KIAA2013: variants seen among roughly 807,000 people sequenced by gnomAD.
KIAA2013 encodes the protein KIAA2013.
In KIAA2013, 20 loss-of-function variants were observed where a neutral mutation model predicts 39.9. The observed-to-expected ratio is 0.50, with a 90% confidence interval of 0.35 to 0.73. KIAA2013 has a LOEUF of 0.73. Among genes scored for constraint, KIAA2013 ranks in the 30% least tolerant of loss-of-function variants. The pLI is 0.01. For synonymous variants in KIAA2013, 336 were observed against 416.6 expected (o/e 0.81, Z 2.35); for missense variants, 587 against 856.1 (o/e 0.69, Z 3.92).
chr1:11,920,855 T>G (rs6662151), intron 2 of KIAA2013, among the ~76,000 whole-genome samples: 14,582 of 152,246 alleles, frequency 0.096, 757 homozygotes, highest in Non-Finnish European at 0.12. Context: ...TTCTGCTTCC[T>G]TTTCCAAGTC....
In KIAA2013 at chr1:11,926,158, C is replaced by A; in HGVS notation, c.80G>T (p.Gly27Val). The stretch of plus-strand genomic sequence containing the variant: ...AAACCACAGAAGCAGCAGCAGGAGG[C>A]CAAGCAGGCAGAGGAGGCGGCGGGC... ...SWARRLLCLL[G>V]LLLLLLWFGG... Residue 27 changes from glycine to valine, a missense_variant, in exon 1 of 3, where the codon GGC becomes GTC. Coordinates refer to ENST00000376572, the MANE Select transcript of KIAA2013 (RefSeq NM_138346.3). The A allele has an allele frequency of 1.4e-6, 2 of 1,402,004 alleles. No homozygotes were observed. The highest frequency in any genetic ancestry group is 1.9e-6 in the Non-Finnish European group (2 of 1,071,562). The allele number at this position is 1,402,004 out of a possible 1,614,324, so 86.8% of individuals were successfully genotyped here.
chr1:11,923,367 C>A lies in KIAA2013; in HGVS notation c.1156G>T (p.Glu386Ter), dbSNP rs923145979. Residue 386 changes from glutamate to a stop codon, truncating the protein, a stop_gained, in exon 2 of 3, where the codon GAG (glutamate) becomes TAG (stop). Transcript: ENST00000376572. LOFTEE classifies it high-confidence loss of function. This position sits in a 1 kb window ranked among gnomAD's most constrained non-coding sequence, Gnocchi z 4.6. The part of the protein sequence containing the change: ...PLLSPSLSHR[E>*]RDQMESTLNY... ...AGCGTCGACTCCATCTGGTCTCGCT[C>A]CCTGTGGCTCAGGGAGGGGCTGAGC... The A allele has an allele frequency of 6.8e-6, 11 of 1,613,242 alleles. No individual in the cohort carries two copies. Among genetic ancestry groups the A allele is most frequent in the Non-Finnish European group, 9.3e-6 (11 of 1,180,034 alleles).
rs983266222 is a variant in KIAA2013 at position 11,923,580 on chromosome 1, G to C, written c.1034-91C>G. On this transcript the variant is annotated intron_variant, in intron 1 of 2. Transcript: ENST00000376572. The surrounding 1 kb of genome is among the most constrained non-coding windows in gnomAD (Gnocchi z 4.6). ...AAGACCAAGGGCAGCAGAAGAGTGAGGTGTTGTGCCTTAATGATAAAGACA... is the reference window on the plus strand; with the variant it reads ...AAGACCAAGGGCAGCAGAAGAGTGACGTGTTGTGCCTTAATGATAAAGACA... The C allele has an allele frequency of 6.0e-6, 8 of 1,329,366 alleles. No homozygotes were observed. The Admixed American group carries it at 9.4e-5, about 16-fold the overall frequency. 82.3% of individuals were successfully genotyped at this position (1,329,366 alleles called of 1,614,324 possible).
At position 11,923,118 on chromosome 1, in the gene KIAA2013, G is replaced by A. The variant is rs1645485032; in HGVS notation, c.1405C>T (p.Gln469Ter). ...AGCACGTCGGGGTCGGCCTGGAACT[G>A]GAGGTGGTTCTCTGTGAACTGCAGC... Reference protein sequence around the residue: ...GGLQFTENHLQFQADPDVLHN... With the variant: ...GGLQFTENHL The change falls in exon 2 of 3, where the codon CAG becomes TAG. Residue 469 changes from glutamine to a stop codon, truncating the protein, a stop_gained. Transcript: ENST00000376572. LOFTEE classifies it high-confidence loss of function. The surrounding 1 kb of genome is among the most constrained non-coding windows in gnomAD (Gnocchi z 4.6). The A allele has an allele frequency of 6.2e-7, 1 of 1,609,820 alleles. No individual in the cohort carries two copies.
chr1:11,922,772 G>A lies in KIAA2013; in HGVS notation c.1751C>T (p.Ala584Val). 3 of 1,613,948 alleles carry A rather than the reference G, an allele frequency of 1.9e-6. No homozygotes were observed. The highest frequency in any genetic ancestry group is 2.5e-6 in the Non-Finnish European group (3 of 1,179,860). ...GAAGGGCAGCCCGGGGTCCTGCTGG[G>A]CCATGTGCTCATCATGGGCCAGGAT... ...KAILAHDEHM[A>V]QQDPGLPFLF... Residue 584 changes from alanine (A) to valine (V), a missense_variant, in exon 2 of 3, where the codon GCC becomes GTC. Transcript: ENST00000376572.
At position 11,925,065 on chromosome 1, in the gene KIAA2013, A is replaced by C. The variant is rs74495232; in HGVS notation, c.1033+140T>G. Reference sequence around the variant, plus strand: ...GGCGACGAATCCAAAGGTCGCACAGACACTAAGCAGTTGAGCAGATTCAAC... The same window carrying C: ...GGCGACGAATCCAAAGGTCGCACAGCCACTAAGCAGTTGAGCAGATTCAAC... On this transcript the variant is annotated intron_variant, in intron 1 of 2. Transcript: ENST00000376572. The surrounding 1 kb of genome is among the most constrained non-coding windows in gnomAD (Gnocchi z 5.2). 1.4e-6 allele frequency: 1 copy of C among 727,188 alleles called. No homozygotes were observed. The highest frequency in any genetic ancestry group is 2.2e-6 in the Non-Finnish European group (1 of 446,920). The allele number at this position is 727,188 out of a possible 1,614,324, so 45.0% of individuals were successfully genotyped here. A position where few individuals can be genotyped will look rare whatever the true frequency, so the allele number is the denominator to read the frequency against.
At position 11,920,414 on chromosome 1, in the gene KIAA2013, C is replaced by T; in HGVS notation, c.1888-82G>A. 5 of 1,412,490 alleles carry T rather than the reference C, an allele frequency of 3.5e-6. No homozygotes were observed. The South Asian group carries it at 4.6e-5, about 13-fold the overall frequency. The allele number at this position is 1,412,490 out of a possible 1,614,324, so 87.5% of individuals were successfully genotyped here. The stretch of plus-strand genomic sequence containing the variant: ...CTATAGAAATAGGCTACGGAGACAA[C>T]CCTAGTGGCACCACACCCTGGCTCT... On this transcript the variant is annotated intron_variant, in intron 2 of 2. Coordinates refer to ENST00000376572, the MANE Select transcript of KIAA2013 (RefSeq NM_138346.3).
chr1:11,920,151 C>T lies in KIAA2013; in HGVS notation c.*164G>A, dbSNP rs1247076185. ...CTCCCCACGTGACACTCATTCCTTC[C>T]AATGCAAACTCTGGTGTATCCACAC... On this transcript the variant is annotated 3_prime_UTR_variant, in exon 3 of 3. Coordinates refer to ENST00000376572, the MANE Select transcript of KIAA2013 (RefSeq NM_138346.3). 3 of 759,636 alleles carry T rather than the reference C, an allele frequency of 3.9e-6. No individual in the cohort carries two copies. Among genetic ancestry groups the T allele is most frequent in the Non-Finnish European group, 7.0e-6 (3 of 425,604 alleles). 47.1% of individuals were successfully genotyped at this position (759,636 alleles called of 1,614,324 possible). A position where few individuals can be genotyped will look rare whatever the true frequency, so the allele number is the denominator to read the frequency against.
In KIAA2013 at chr1:11,920,154, T is replaced by A; in HGVS notation, c.*161A>T. On this transcript the variant is annotated 3_prime_UTR_variant, in exon 3 of 3. Transcript: ENST00000376572. ...CCCACGTGACACTCATTCCTTCCAA[T>A]GCAAACTCTGGTGTATCCACACTCA... 1.3e-6 allele frequency: 1 copy of A among 772,870 alleles called. No individual in the cohort carries two copies. The highest frequency in any genetic ancestry group is 2.3e-6 in the Non-Finnish European group (1 of 435,814). The allele number at this position is 772,870 out of a possible 1,614,324, so 47.9% of individuals were successfully genotyped here.
intron 2 of KIAA2013, chr1:11,922,388 C>T (rs1010982818): frequency 3.5e-6 from 5 of 1,436,476 alleles, no homozygotes; most frequent in Admixed American, 2.9e-5. Flanking sequence ...ATTTATGATG[C>T]GGGAGGAGGG....
rs139827041 is a variant in KIAA2013 at position 11,923,379 on chromosome 1, G to C, written c.1144C>G (p.Leu382Val). ...CSPAPLLSPSLSHRERDQMES... is the reference protein window; with the variant it reads ...CSPAPLLSPSVSHRERDQMES... The stretch of plus-strand genomic sequence containing the variant: ...ATCTGGTCTCGCTCCCTGTGGCTCA[G>C]GGAGGGGCTGAGCAGTGGGGCTGGC... The change falls in exon 2 of 3, where the codon CTG becomes GTG. Residue 382 changes from leucine to valine, a missense_variant. Coordinates refer to ENST00000376572, the MANE Select transcript of KIAA2013 (RefSeq NM_138346.3). This position sits in a 1 kb window ranked among gnomAD's most constrained non-coding sequence, Gnocchi z 4.6. 1.4e-4 allele frequency: 228 copies of C among 1,613,226 alleles called. No homozygotes were observed. The highest frequency in any genetic ancestry group is 7.3e-4 in the Admixed American group (44 of 60,034).
intron 2 of KIAA2013, 30 bp downstream of exon 2, chr1:11,922,606 T>A (rs751153367): frequency 3.1e-6 from 5 of 1,609,226 alleles, no homozygotes; most frequent in Non-Finnish European, 4.2e-6. Context: ...GGCCAAGGCC[T>A]CGGGTTTCGA....
At chr1:11,922,187 T>G in intron 2 of KIAA2013, 1 of 256,684 alleles carries the variant, frequency 3.9e-6, no homozygotes, top group Non-Finnish European at 6.8e-6. Context: ...TTTTATTTGC[T>G]TTTTTGTTTT....
rs1280193431 is a variant in KIAA2013 at position 11,923,750 on chromosome 1, A to G, written c.1034-261T>C. On this transcript the variant is annotated intron_variant, in intron 1 of 2. Coordinates refer to ENST00000376572, the MANE Select transcript of KIAA2013 (RefSeq NM_138346.3). The surrounding 1 kb of genome is among the most constrained non-coding windows in gnomAD (Gnocchi z 4.6). The stretch of plus-strand genomic sequence containing the variant: ...AGCCCAGAGGAACACAGACTTAGCC[A>G]GGACTTGGCACCAACCCTATGGTCA... 6.6e-6 allele frequency among the ~76,000 whole-genome samples: 1 copy of G among 152,210 alleles called. No homozygotes were observed. The highest frequency in any genetic ancestry group is 1.5e-5 in the Non-Finnish European group (1 of 68,034).
chr1:11,925,227 G>A lies in KIAA2013; in HGVS notation c.1011C>T (p.Leu337=), dbSNP rs1645498431. Residue 337 remains leucine, a synonymous_variant, in exon 1 of 3, where the codon CTC becomes CTT. Transcript: ENST00000376572. This position sits in a 1 kb window ranked among gnomAD's most constrained non-coding sequence, Gnocchi z 5.2. The part of the protein sequence containing the change: ...AAELLQDHQL[L]WAQLFSPGVE... The stretch of plus-strand genomic sequence containing the variant: ...CACCTGGGCTGAAGAGCTGAGCCCA[G>A]AGGAGCTGGTGGTCTTGAAGCAGCT... 6.3e-7 allele frequency: 1 copy of A among 1,595,318 alleles called. No homozygotes were observed. Among genetic ancestry groups the A allele is most frequent in the Non-Finnish European group, 8.5e-7 (1 of 1,169,994 alleles).
chr1:11,921,546 A>T (rs1040800339), intron 2 of KIAA2013, among the ~76,000 whole-genome samples: 1 of 151,028 alleles, frequency 6.6e-6, no homozygotes, highest in Admixed American at 6.6e-5. Flanking sequence ...ATTATTATTT[A>T]TTATTTATTT....
In KIAA2013 at chr1:11,923,316, C is replaced by T. The variant is rs1184100082; in HGVS notation, c.1207G>A (p.Gly403Arg). ...TLNYEDHCFS[G>R]HATMHAENLW... ...TTCTCGGCGTGCATGGTGGCGTGCC[C>T]GCTGAAGCAGTGATCTTCATAGTTG... Residue 403 changes from glycine to arginine, a missense_variant, in exon 2 of 3, where the codon GGG becomes AGG. By Grantham distance (125) the Gly-to-Arg change is moderately radical. Transcript: ENST00000376572. The surrounding 1 kb of genome is among the most constrained non-coding windows in gnomAD (Gnocchi z 4.6). 2.5e-6 allele frequency: 4 copies of T among 1,613,364 alleles called. No homozygotes were observed. The highest frequency in any genetic ancestry group is 2.7e-5 in the African/African-American group (2 of 74,882).
Position 11,926,332 on chromosome 1 carries a change from G to T in KIAA2013, c.-95C>A. On this transcript the variant is annotated 5_prime_UTR_variant, in exon 1 of 3. Coordinates refer to ENST00000376572, the MANE Select transcript of KIAA2013 (RefSeq NM_138346.3). ...CGCCCGCGCCTCACTGCCCGGCCCGGACCGCGGCGCCCACCCCGGCCCCCG... is the reference window on the plus strand; with the variant it reads ...CGCCCGCGCCTCACTGCCCGGCCCGTACCGCGGCGCCCACCCCGGCCCCCG... 1.8e-6 allele frequency: 1 copy of T among 543,104 alleles called. No homozygotes were observed. Among genetic ancestry groups the T allele is most frequent in the South Asian group, 7.5e-5 (1 of 13,388 alleles). 33.6% of individuals were successfully genotyped at this position (543,104 alleles called of 1,614,324 possible).
At position 11,925,851 on chromosome 1, in the gene KIAA2013, G is replaced by A; in HGVS notation, c.387C>T (p.Arg129=). The change falls in exon 1 of 3, where the codon CGC becomes CGT. Residue 129 remains arginine (R), a synonymous_variant. Transcript: ENST00000376572. The surrounding 1 kb of genome is among the most constrained non-coding windows in gnomAD (Gnocchi z 5.2). ...APDFVPFVQL[R]PLSALAEAGE... ...CAGCTTCAGCCAGCGCGCTCAGCGG[G>A]CGCAGCTGCACGAAGGGCACAAAGT... is the stretch of plus-strand genomic sequence containing the variant. The A allele has an allele frequency of 1.3e-6, 2 of 1,532,308 alleles. No individual in the cohort carries two copies. The highest frequency in any genetic ancestry group is 1.7e-6 in the Non-Finnish European group (2 of 1,146,532). The allele number at this position is 1,532,308 out of a possible 1,614,324, so 94.9% of individuals were successfully genotyped here. A position where few individuals can be genotyped will look rare whatever the true frequency, so the allele number is the denominator to read the frequency against.
Sources: allele counts gnomAD v4.1 joint callset (sites outside exome capture counted in the v4.1 genomes callset), GRCh38; gene constraint gnomAD v4.1.1; non-coding constraint Gnocchi (gnomAD v3.1); transcripts MANE v1.5; gene names NCBI Gene and HGNC (gene_info 2026-07-23, HGNC 2026-07-21).